The following ELP4 variants were observed in gnomAD, a reference collection of about 807,000 sequenced individuals.
The protein encoded by ELP4 is elongator acetyltransferase complex subunit 4, also known as elongator complex protein 4.
In ELP4, 51 loss-of-function variants were observed where a neutral mutation model predicts 48.9. The observed-to-expected ratio is 1.04, with a 90% CI of 0.83 to 1.32. ELP4 has a LOEUF of 1.32. Ranked by LOEUF, ELP4 falls within the 40% of genes most tolerant of loss-of-function variation. The pLI is 0.00. For missense variants in ELP4, 519 were observed against 514.6 expected (o/e 1.01, Z -0.08); for synonymous variants, 210 against 189.2 (o/e 1.11, Z -0.90).
At chr11:31,521,578 A>G (rs937837139) in intron 2 of ELP4, among the ~76,000 whole-genome samples, 1 of 152,112 alleles carries the variant, frequency 6.6e-6, no homozygotes, top group Admixed American at 6.5e-5. Context: ...TAAAACTCAC[A>G]TTTATGGAGA....
intron 1 of ELP4, among the ~76,000 whole-genome samples, chr11:31,514,849 C>G (rs1956077899): frequency 6.6e-6 from 1 of 151,862 alleles, no homozygotes; most frequent in South Asian, 2.1e-4. Flanking sequence ...TACAAACATT[C>G]AAACTTTTAA....
At position 31,606,842 on chromosome 11, in the gene ELP4, A is replaced by G. The variant is rs533748507; in HGVS notation, c.653+2935A>G. 2.2e-4 allele frequency among the ~76,000 whole-genome samples: 34 copies of G among 152,280 alleles called. No homozygotes were observed. In the South Asian group the frequency reaches 7.0e-3, roughly 32 times the overall value. On this transcript the variant is annotated intron_variant, in intron 5 of 9. Transcript: ENST00000640961. The stretch of plus-strand genomic sequence containing the variant: ...TTTTTCAGTGTCGTCTTTCTTACTG[A>G]TTAACAATTATATTAACATATTGCT...
chr11:31,702,321 CAATAACAATAATAATAATAAT>C lies in ELP4; in HGVS notation c.1143+52116_1143+52136del, dbSNP rs1468189486. Among the ~76,000 whole-genome samples, 39 of 7,896 alleles carry C rather than the reference CAATAACAATAATAATAATAAT, an allele frequency of 4.9e-3. 1 individual carries two copies. Among genetic ancestry groups the C allele is most frequent in the African/African-American group, 9.6e-3 (36 of 3,758 alleles). 5.2% of individuals were successfully genotyped at this position (7,896 alleles called of 152,430 possible). ...TTGTCTCTAAAAATAATAATAATAA[CAATAACAATAATAATAATAAT>C]AATAACAATAATAATTAGGCTTGAA... On this transcript the variant is annotated intron_variant, in intron 9 of 9. Coordinates refer to ENST00000640961, the MANE Select transcript of ELP4 (RefSeq NM_019040.5).
intron 3 of ELP4, among the ~76,000 whole-genome samples, chr11:31,579,262 G>T (rs568102556): frequency 6.6e-6 from 1 of 152,084 alleles, no homozygotes; most frequent in Admixed American, 6.5e-5. Flanking sequence ...TTAGAATGGC[G>T]ATCATTAAAA....
intron 9 of ELP4, among the ~76,000 whole-genome samples, chr11:31,693,992 C>A (rs1309218546): frequency 6.6e-6 from 1 of 152,146 alleles, no homozygotes; most frequent in Non-Finnish European, 1.5e-5. Context: ...ATCCTTCGCC[C>A]ACTTTTTGAT....
At chr11:31,555,754 T>C (rs1003903513) in intron 3 of ELP4, among the ~76,000 whole-genome samples, 4 of 151,942 alleles carry the variant, frequency 2.6e-5, no homozygotes, top group African/African-American at 7.2e-5. Context: ...AAAAATGATA[T>C]TGAATACCAA....
intron 4 of ELP4, among the ~76,000 whole-genome samples, chr11:31,603,105 G>A (rs991516793): frequency 4.0e-5 from 6 of 151,792 alleles, no homozygotes; most frequent in African/African-American, 1.4e-4. Context: ...CACAAAAGAG[G>A]AATTATCAAT....
At chr11:31,727,566 T>C (rs1947100856) in intron 9 of ELP4, among the ~76,000 whole-genome samples, 1 of 152,170 alleles carries the variant, frequency 6.6e-6, no homozygotes, top group African/African-American at 2.4e-5. Flanking sequence ...CTCCCTCCCT[T>C]CCAAACATTT....
chr11:31,549,615 G>C (rs1219264772), intron 3 of ELP4, among the ~76,000 whole-genome samples: 1 of 151,936 alleles, frequency 6.6e-6, no homozygotes, highest in Non-Finnish European at 1.5e-5. Context: ...AATACCATTT[G>C]ACCCAGCCAT....
chr11:31,521,004 G>A (rs1272198922), intron 2 of ELP4, among the ~76,000 whole-genome samples: 4 of 152,008 alleles, frequency 2.6e-5, no homozygotes. Flanking sequence ...TCTAGACAGA[G>A]TTATTAGTAC....
intron 9 of ELP4, among the ~76,000 whole-genome samples, chr11:31,752,631 G>A (rs1947746815): frequency 1.3e-5 from 2 of 151,924 alleles, no homozygotes; most frequent in South Asian, 2.1e-4. Context: ...TCAGGAGATC[G>A]AGACCATCCT....
chr11:31,571,748 C>T (rs903052426), intron 3 of ELP4, among the ~76,000 whole-genome samples: 1 of 152,184 alleles, frequency 6.6e-6, no homozygotes, highest in African/African-American at 2.4e-5. Context: ...TGTACATCCT[C>T]ATCAAAGGTC....
intron 5 of ELP4, among the ~76,000 whole-genome samples, chr11:31,623,390 T>TATATATATATATATATATATATATAAAA (rs67986763): frequency 1.1e-5 from 1 of 92,610 alleles, no homozygotes; most frequent in African/African-American, 3.6e-5. Context: ...TATATATATA[T>TATATATATATATATATATATATATAAAA]AAAACTAGAA....
At chr11:31,576,050 C>T (rs1346672489) in intron 3 of ELP4, among the ~76,000 whole-genome samples, 4 of 152,172 alleles carry the variant, frequency 2.6e-5, no homozygotes, top group Non-Finnish European at 5.9e-5. Context: ...AGACCCATCT[C>T]ACATGCAGAG....
chr11:31,739,188 A>G (rs1338832760), intron 9 of ELP4, among the ~76,000 whole-genome samples: 1 of 146,420 alleles, frequency 6.8e-6, no homozygotes, highest in African/African-American at 2.8e-5. Context: ...TGAAAAAGAC[A>G]AAACCAATAA....
intron 9 of ELP4, 52 bp from the exon 10 acceptor site, chr11:31,783,341 A>C: frequency 6.4e-7 from 1 of 1,568,686 alleles, no homozygotes; most frequent in South Asian, 1.1e-5. Flanking sequence ...AGCAAAATTA[A>C]TTTTTTTTCT....
At chr11:31,569,110 GA>G (rs970609022) in intron 3 of ELP4, among the ~76,000 whole-genome samples, 5 of 151,092 alleles carry the variant, frequency 3.3e-5, no homozygotes, top group South Asian at 2.1e-4. Context: ...AAAAAGGAAA[GA>G]AAAAAAACCT....
Position 31,787,435 on chromosome 11 carries a change from C to A in ELP4, c.*3911C>A. 1 of 233,264 alleles carries A rather than the reference C, an allele frequency of 4.3e-6. No individual in the cohort carries two copies. The highest frequency in any genetic ancestry group is 8.5e-6 in the Non-Finnish European group (1 of 118,034). 14.4% of individuals were successfully genotyped at this position (233,264 alleles called of 1,614,324 possible). On this transcript the variant is annotated 3_prime_UTR_variant, in exon 10 of 10. Transcript: ENST00000640961. ...CAACAGAACCGTGGGCCGGAACTGGCTGCCTGACCGTGGTGGAAATTACAG... is the reference window on the plus strand; with the variant it reads ...CAACAGAACCGTGGGCCGGAACTGGATGCCTGACCGTGGTGGAAATTACAG...
At chr11:31,780,413 C>T (rs1329053590) in intron 9 of ELP4, among the ~76,000 whole-genome samples, 2 of 152,184 alleles carry the variant, frequency 1.3e-5, no homozygotes, top group East Asian at 3.8e-4. Context: ...ATAGTAAGCT[C>T]ATTCAAGTAA....
Sources: allele counts gnomAD v4.1 joint callset (sites outside exome capture counted in the v4.1 genomes callset), GRCh38; gene constraint gnomAD v4.1.1; transcripts MANE v1.5; gene names NCBI Gene and HGNC (gene_info 2026-07-23, HGNC 2026-07-21).